OSBP2: variants seen among roughly 807,000 people sequenced by gnomAD.
OSBP2 encodes the protein oxysterol-binding protein 2.
OSBP2 carries 66 observed loss-of-function variants against 96.0 expected under a neutral mutation model. That is an observed-to-expected ratio of 0.69 (90% CI 0.56 to 0.84). The LOEUF (loss-of-function observed/expected upper bound fraction) is 0.84, where lower values mean the gene tolerates loss of function less well. Among genes scored for constraint, OSBP2 ranks in the 40% least tolerant of loss-of-function variants. OSBP2 has a pLI of 0.00. For missense variants in OSBP2, 1,038 were observed against 1,222.7 expected (o/e 0.85, Z 2.25); for synonymous variants, 525 against 520.9 (o/e 1.01, Z -0.11).
chr22:30,730,802 ATATATAATTTTT>A lies in OSBP2; in HGVS notation c.645-10357_645-10346del, dbSNP rs1569100685. Among the ~76,000 whole-genome samples the A allele has an allele frequency of 6.7e-4, 33 of 49,350 alleles. 5 individuals carry two copies. The highest frequency in any genetic ancestry group is 3.4e-3 in the African/African-American group (31 of 9,220). 32.4% of individuals were successfully genotyped at this position (49,350 alleles called of 152,430 possible). ...TATATATATATATATATATATATAT[ATATATAATTTTT>A]TTTTTTTTTCCCATGGACATTTTTG... is the stretch of plus-strand genomic sequence containing the variant. On this transcript the variant is annotated intron_variant, in intron 1 of 13. Coordinates refer to ENST00000332585, the MANE Select transcript of OSBP2 (RefSeq NM_030758.4).
intron 2 of OSBP2, among the ~76,000 whole-genome samples, chr22:30,755,041 T>A (rs2090124019): frequency 6.6e-6 from 1 of 152,200 alleles, no homozygotes; most frequent in South Asian, 2.1e-4. Context: ...TGGGACCCTA[T>A]CTTCCTGACC....
intron 8 of OSBP2, among the ~76,000 whole-genome samples, chr22:30,891,627 C>T (rs527370016): frequency 2.2e-4 from 33 of 152,108 alleles, no homozygotes; most frequent in Admixed American, 3.3e-4. Context: ...CAGTGACACA[C>T]GCAGGGGTGT....
At chr22:30,695,872 A>G (rs2089021878) in intron 1 of OSBP2, among the ~76,000 whole-genome samples, 1 of 152,128 alleles carries the variant, frequency 6.6e-6, no homozygotes. Context: ...GCAGCTAGCT[A>G]GAGTCAGCCC....
chr22:30,733,000 A>G (rs749730906), intron 1 of OSBP2, among the ~76,000 whole-genome samples: 24 of 152,232 alleles, frequency 1.6e-4, no homozygotes, highest in Non-Finnish European at 2.8e-4. Flanking sequence ...ACTTTGGACC[A>G]TGGTGCTGCT....
intron 2 of OSBP2, among the ~76,000 whole-genome samples, chr22:30,861,085 G>T (rs553760595): frequency 2.0e-5 from 3 of 152,216 alleles, no homozygotes; most frequent in Non-Finnish European, 4.4e-5. Context: ...GAAAGGGAAG[G>T]AGGGGAGTTT....
intron 1 of OSBP2, among the ~76,000 whole-genome samples, chr22:30,699,846 CT>C (rs2089128273): frequency 6.6e-6 from 1 of 151,932 alleles, no homozygotes; most frequent in Admixed American, 6.6e-5. Context: ...TAAAAATGCT[CT>C]TTATAAATAT....
chr22:30,891,177 G>A (rs527531277), intron 8 of OSBP2, among the ~76,000 whole-genome samples: 1 of 152,226 alleles, frequency 6.6e-6, no homozygotes, highest in Non-Finnish European at 1.5e-5. Context: ...ATGGCGAGGG[G>A]CATGAGAACT....
At chr22:30,742,652 A>G (rs180697428) in intron 2 of OSBP2, among the ~76,000 whole-genome samples, 4 of 152,274 alleles carry the variant, frequency 2.6e-5, no homozygotes. Flanking sequence ...TTTCCCTGTC[A>G]ATATGTAAAA....
intron 2 of OSBP2, among the ~76,000 whole-genome samples, chr22:30,758,508 A>G (rs1324724197): frequency 4.6e-5 from 7 of 152,324 alleles, no homozygotes; most frequent in South Asian, 2.1e-4. Context: ...ATCTGAGGTA[A>G]CACCAAACAG....
intron 2 of OSBP2, chr22:30,803,113 A>AGCT (rs929798603): frequency 4.8e-6 from 1 of 208,770 alleles, no homozygotes; most frequent in African/African-American, 2.4e-5. Flanking sequence ...CAGCAGCAGC[A>AGCT]GCTGCAAGAG....
intron 2 of OSBP2, among the ~76,000 whole-genome samples, chr22:30,747,151 A>T (rs2090013518): frequency 6.6e-6 from 1 of 152,222 alleles, no homozygotes; most frequent in East Asian, 1.9e-4. Context: ...TCAGCAAGCT[A>T]GGAATAGAAC....
At chr22:30,903,405 G>A (rs2040258039) in intron 12 of OSBP2, among the ~76,000 whole-genome samples, 1 of 152,200 alleles carries the variant, frequency 6.6e-6, no homozygotes. Flanking sequence ...TATTGAGAGG[G>A]AGCCCTGGCT....
chr22:30,876,423 G>A (rs535489216), intron 3 of OSBP2, among the ~76,000 whole-genome samples: 1 of 152,350 alleles, frequency 6.6e-6, no homozygotes, highest in South Asian at 2.1e-4. Context: ...CACTGCCCTG[G>A]AAAGGAGAGC....
chr22:30,858,914 A>ATAATAATAATAAT (rs201632027), intron 2 of OSBP2, among the ~76,000 whole-genome samples: 4 of 146,576 alleles, frequency 2.7e-5, no homozygotes, highest in African/African-American at 5.0e-5. Flanking sequence ...AATAATAATA[A>ATAATAATAATAAT]AAGCATTCCC....
chr22:30,694,444 C>T, upstream of OSBP2: 1 of 1,384,322 alleles, frequency 7.2e-7, no homozygotes, highest in Non-Finnish European at 9.5e-7. Flanking sequence ...CTGCTTCCCA[C>T]CCGGCTTTCC....
At chr22:30,876,173 G>A (rs998941141) in intron 3 of OSBP2, among the ~76,000 whole-genome samples, 1 of 152,262 alleles carries the variant, frequency 6.6e-6, no homozygotes, top group East Asian at 1.9e-4. Flanking sequence ...CCCAGGCAGA[G>A]AAGGAAAATA....
Position 30,887,498 on chromosome 22 carries a change from G to A in OSBP2, c.1180G>A (p.Glu394Lys), listed in dbSNP as rs775350176. 3.0e-5 allele frequency: 49 copies of A among 1,613,674 alleles called. No homozygotes were observed. The highest frequency in any genetic ancestry group is 3.8e-5 in the Non-Finnish European group (45 of 1,180,030). The change falls in exon 4 of 14, where the codon GAG (glutamate) becomes AAG (lysine). Residue 394 changes from glutamate to lysine, a missense_variant. Glu to Lys is a moderately conservative substitution (Grantham distance 56). Coordinates refer to ENST00000332585, the MANE Select transcript of OSBP2 (RefSeq NM_030758.4). ...GCAGCGGGCACTGCAGTATGAGCAG[G>A]AGCAGCGCGTGCACTTGGAGGAAAC... ...KWQRALQYEQEQRVHLEETIE... is the reference protein window; with the variant it reads ...KWQRALQYEQKQRVHLEETIE...
intron 1 of OSBP2, among the ~76,000 whole-genome samples, chr22:30,704,224 T>C (rs916199706): frequency 3.9e-5 from 6 of 152,142 alleles, no homozygotes; most frequent in Admixed American, 3.3e-4. Flanking sequence ...CTAATAGTTG[T>C]ACCCACAGCT....
In OSBP2 at chr22:30,850,863, AATGGG is replaced by A. The variant is rs58463382; in HGVS notation, c.854-19563_854-19559del. 1.9e-3 allele frequency among the ~76,000 whole-genome samples: 286 copies of A among 152,354 alleles called. 9 individuals carry two copies. The East Asian group carries it at 0.054, about 29-fold the overall frequency. On this transcript the variant is annotated intron_variant, in intron 2 of 13. Coordinates refer to ENST00000332585, the MANE Select transcript of OSBP2 (RefSeq NM_030758.4). Reference sequence around the variant, plus strand: ...CAACAAAAAGTCTCCTGGGTTACTGAATGGGATTGCATTGAATCTATACATTAATT... The same window carrying A: ...CAACAAAAAGTCTCCTGGGTTACTGAATTGCATTGAATCTATACATTAATT...
Sources: gnomAD v4.1 joint callset for allele counts (sites outside exome capture counted in the v4.1 genomes callset) on GRCh38, gnomAD v4.1.1 for gene constraint, MANE v1.5 for transcripts, NCBI Gene and HGNC (gene_info 2026-07-23, HGNC 2026-07-21) for gene names.